The following CHST4 variants were observed in gnomAD, a reference collection of about 807,000 sequenced individuals.
CHST4 encodes GST-3.
For missense variants in CHST4, 466 were observed against 506.0 expected, an observed-to-expected ratio of 0.92 and a Z score of 0.76; for synonymous variants, 171 against 195.5, an observed-to-expected ratio of 0.87 and a Z score of 1.05.
At chr16:71,527,636 G>C (rs1424538229) in intron 1 of CHST4, among the ~76,000 whole-genome samples, 4 of 152,126 alleles carry the variant, frequency 2.6e-5, no homozygotes, top group Non-Finnish European at 5.9e-5. Flanking sequence ...TGTAATCCCA[G>C]CTACTCAGGA....
In CHST4 at chr16:71,537,061, C is replaced by T. The variant is rs546100789; in HGVS notation, c.384C>T (p.Asn128=). The change falls in exon 2 of 2, where the codon AAC becomes AAT. Residue 128 remains asparagine (N), a synonymous_variant. Transcript: ENST00000539698. This position sits in a 1 kb window ranked among gnomAD's most constrained non-coding sequence, Gnocchi z 4.2. ...RRQSSLFQWE[N]SRALCSAPAC... ...AGTCCAGCCTCTTTCAGTGGGAGAA[C>T]AGCCGGGCCCTGTGTTCTGCACCTG... 6.2e-7 allele frequency: 1 copy of T among 1,614,062 alleles called. No homozygotes were observed. Among genetic ancestry groups the T allele is most frequent in the Non-Finnish European group, 8.5e-7 (1 of 1,180,046 alleles).
chr16:71,528,982 G>A (rs868722010), intron 1 of CHST4, among the ~76,000 whole-genome samples: 1 of 152,044 alleles, frequency 6.6e-6, no homozygotes, highest in Non-Finnish European at 1.5e-5. Flanking sequence ...AGAAATGGCT[G>A]TCCTTTGTGT....
Position 71,537,592 on chromosome 16 carries a change from G to A in CHST4, c.915G>A (p.Trp305Ter). 2 of 1,614,128 alleles carry A rather than the reference G, an allele frequency of 1.2e-6. No homozygotes were observed. Among genetic ancestry groups the A allele is most frequent in the East Asian group, 2.2e-5 (1 of 44,878 alleles). ...GLEFLPHLQT[W>*]VHNITRGKGM... ...AATTCTTGCCCCATCTTCAGACCTG[G>A]GTGCATAACATCACCCGAGGCAAGG... Residue 305 changes from tryptophan (W) to a stop codon, truncating the protein, a stop_gained, in exon 2 of 2, where the codon TGG becomes TGA. Coordinates refer to ENST00000539698, the MANE Select transcript of CHST4 (RefSeq NM_001166395.2). LOFTEE classifies it low-confidence loss of function (END_TRUNC). The surrounding 1 kb of genome is among the most constrained non-coding windows in gnomAD (Gnocchi z 4.2).
At chr16:71,531,596 G>A (rs139243034) in intron 1 of CHST4, among the ~76,000 whole-genome samples, 60 of 152,254 alleles carry the variant, frequency 3.9e-4, no homozygotes, top group African/African-American at 1.1e-3. Flanking sequence ...GGGAGGAAAC[G>A]GGCTTCAGGC....
rs2043993349 is a variant in CHST4, at chr16:71,536,918, A to G, written c.241A>G (p.Thr81Ala). The G allele has an allele frequency of 6.2e-7, 1 of 1,607,036 alleles. No homozygotes were observed. Among genetic ancestry groups the G allele is most frequent in the Non-Finnish European group, 8.5e-7 (1 of 1,175,256 alleles). Residue 81 changes from threonine to alanine, a missense_variant, in exon 2 of 2, where the codon ACC becomes GCC. Transcript: ENST00000539698. ...GGAGCCCGCCTGGCACGTGTGGATG[A>G]CCTTCAAGCAGAGCACCGCCTGGAT... is the stretch of plus-strand genomic sequence containing the variant. ...LMEPAWHVWM[T>A]FKQSTAWMLH...
At chr16:71,531,391 G>A (rs534596258) in intron 1 of CHST4, among the ~76,000 whole-genome samples, 38 of 152,292 alleles carry the variant, frequency 2.5e-4, no homozygotes, top group Middle Eastern at 6.8e-3. Flanking sequence ...ATTGTGTGTC[G>A]TCTAGATCCA....
In CHST4 at chr16:71,537,311, C is replaced by T. The variant is rs766375058; in HGVS notation, c.634C>T (p.Arg212Cys). 31 of 1,614,224 alleles carry T rather than the reference C, an allele frequency of 1.9e-5. No homozygotes were observed. The Middle Eastern group carries it at 4.9e-4, about 26-fold the overall frequency. The change falls in exon 2 of 2, where the codon CGT becomes TGT. Residue 212 changes from arginine to cysteine, a missense_variant. Arg to Cys is a radical substitution (Grantham distance 180). Coordinates refer to ENST00000539698, the MANE Select transcript of CHST4 (RefSeq NM_001166395.2). The surrounding 1 kb of genome is among the most constrained non-coding windows in gnomAD (Gnocchi z 4.2). ...GGTCCGGGACCCCCGGGCCGTGTTC[C>T]GTTCCCGAGAACGCACAAAGGGAGA... ...HLVRDPRAVF[R>C]SRERTKGDLM...
intron 1 of CHST4, among the ~76,000 whole-genome samples, chr16:71,530,483 TG>T (rs2043939914): frequency 6.6e-6 from 1 of 151,842 alleles, no homozygotes. Context: ...AAAGATATTT[TG>T]GCCAGGTGCG....
At chr16:71,534,647 T>C (rs1053126534) in intron 1 of CHST4, among the ~76,000 whole-genome samples, 1 of 152,116 alleles carries the variant, frequency 6.6e-6, no homozygotes, top group Non-Finnish European at 1.5e-5. Flanking sequence ...CATGAGCCAC[T>C]GTGCTCAGCC....
chr16:71,532,435 T>C (rs1230905033), intron 1 of CHST4, among the ~76,000 whole-genome samples: 1 of 152,222 alleles, frequency 6.6e-6, no homozygotes, highest in Non-Finnish European at 1.5e-5. Context: ...CAAGTGATTT[T>C]CAGCCATGAT....
rs1224454398 is a variant in CHST4 at position 71,537,217 on chromosome 16, CT to C, written c.542del (p.Phe181SerfsTer11). 1 of 1,614,060 alleles carries C rather than the reference CT, an allele frequency of 6.2e-7. No homozygotes were observed. Among genetic ancestry groups the C allele is most frequent in the Non-Finnish European group, 8.5e-7 (1 of 1,180,026 alleles). On this transcript the variant is annotated frameshift_variant, in exon 2 of 2. Coordinates refer to ENST00000539698, the MANE Select transcript of CHST4 (RefSeq NM_001166395.2). LOFTEE classifies it low-confidence loss of function (END_TRUNC). The surrounding 1 kb of genome is among the most constrained non-coding windows in gnomAD (Gnocchi z 4.2). The stretch of plus-strand genomic sequence containing the variant: ...GCCACGTGGTGCTCAAGGAGGTGCG[CT>C]TCTTCAACCTGCAGTCCCTCTACCC... Reference protein sequence around the residue: ...YSHVVLKEVRFFNLQSLYPLL... With the variant: ...YSHVVLKEVRXFNLQSLYPLL...
Position 71,537,173 on chromosome 16 carries a change from A to T in CHST4, c.496A>T (p.Lys166Ter), listed in dbSNP as rs2043996540. ...TCAACAGCCCTTTGAGGTGGTGGAG[A>T]AGGCCTGCCGCTCCTACAGCCACGT... The part of the protein sequence containing the change: ...CSQQPFEVVE[K>*]ACRSYSHVVL... The change falls in exon 2 of 2, where the codon AAG (lysine) becomes TAG (stop). Residue 166 changes from lysine to a stop codon, truncating the protein, a stop_gained. Transcript: ENST00000539698. LOFTEE classifies it low-confidence loss of function (END_TRUNC). The surrounding 1 kb of genome is among the most constrained non-coding windows in gnomAD (Gnocchi z 4.2). 3.1e-6 allele frequency: 5 copies of T among 1,613,900 alleles called. No individual in the cohort carries two copies. Among genetic ancestry groups the T allele is most frequent in the African/African-American group, 2.7e-5 (2 of 74,852 alleles).
At chr16:71,526,380 GCAA>G (rs2043907450), upstream of CHST4, 1 of 152,308 alleles carries the variant, frequency 6.6e-6, no homozygotes, top group Non-Finnish European at 1.5e-5. Context: ...GGACGGTTAT[GCAA>G]AAGCAAGTAG....
At position 71,537,587 on chromosome 16, in the gene CHST4, A is replaced by G; in HGVS notation, c.910A>G (p.Thr304Ala). The G allele has an allele frequency of 6.2e-7, 1 of 1,614,144 alleles. No homozygotes were observed. The highest frequency in any genetic ancestry group is 1.1e-5 in the South Asian group (1 of 91,076). ...VGLEFLPHLQ[T>A]WVHNITRGKG... Reference sequence around the variant, plus strand: ...ATTGGAATTCTTGCCCCATCTTCAGACCTGGGTGCATAACATCACCCGAGG... The same window carrying G: ...ATTGGAATTCTTGCCCCATCTTCAGGCCTGGGTGCATAACATCACCCGAGG... The change falls in exon 2 of 2, where the codon ACC (threonine) becomes GCC (alanine). Residue 304 changes from threonine to alanine, a missense_variant. Coordinates refer to ENST00000539698, the MANE Select transcript of CHST4 (RefSeq NM_001166395.2). The surrounding 1 kb of genome is among the most constrained non-coding windows in gnomAD (Gnocchi z 4.2).
In CHST4 at chr16:71,538,416, C is replaced by T. The variant is rs2044010342; in HGVS notation, c.*578C>T. Reference sequence around the variant, plus strand: ...CTCTTAAGTTCACAGGGTGCCTGGGCTGCATTTGAATATCACTTCCCCTCT... The same window carrying T: ...CTCTTAAGTTCACAGGGTGCCTGGGTTGCATTTGAATATCACTTCCCCTCT... On this transcript the variant is annotated 3_prime_UTR_variant, in exon 2 of 2. Transcript: ENST00000539698. 1 of 167,496 alleles carries T rather than the reference C, an allele frequency of 6.0e-6. No individual in the cohort carries two copies. The highest frequency in any genetic ancestry group is 2.4e-5 in the African/African-American group (1 of 41,458). The allele number at this position is 167,496 out of a possible 1,614,324, so 10.4% of individuals were successfully genotyped here.
chr16:71,537,167 G>C lies in CHST4; in HGVS notation c.490G>C (p.Val164Leu). Reference protein sequence around the residue: ...LLCSQQPFEVVEKACRSYSHV... With the variant: ...LLCSQQPFEVLEKACRSYSHV... ...GTGCAGTCAACAGCCCTTTGAGGTG[G>C]TGGAGAAGGCCTGCCGCTCCTACAG... The change falls in exon 2 of 2, where the codon GTG becomes CTG. Residue 164 changes from valine to leucine, a missense_variant. Physicochemically the swap from Val to Leu is conservative, Grantham distance 32 (BLOSUM62 1). Coordinates refer to ENST00000539698, the MANE Select transcript of CHST4 (RefSeq NM_001166395.2). This position sits in a 1 kb window ranked among gnomAD's most constrained non-coding sequence, Gnocchi z 4.2. 6.2e-7 allele frequency: 1 copy of C among 1,614,124 alleles called. No homozygotes were observed. The highest frequency in any genetic ancestry group is 8.5e-7 in the Non-Finnish European group (1 of 1,180,030).
chr16:71,537,552 A>C lies in CHST4; in HGVS notation c.875A>C (p.Glu292Ala). 1 of 1,614,108 alleles carries C rather than the reference A, an allele frequency of 6.2e-7. No individual in the cohort carries two copies. Among genetic ancestry groups the C allele is most frequent in the South Asian group, 1.1e-5 (1 of 91,076 alleles). ...GTGGCCCAGACTTCCCGAATGTATG[A>C]ATTCGTGGGATTGGAATTCTTGCCC... ...APVAQTSRMY[E>A]FVGLEFLPHL... The change falls in exon 2 of 2, where the codon GAA becomes GCA. Residue 292 changes from glutamate to alanine, a missense_variant. Physicochemically the swap from Glu to Ala is moderately radical, Grantham distance 107. Transcript: ENST00000539698. The surrounding 1 kb of genome is among the most constrained non-coding windows in gnomAD (Gnocchi z 4.2).
rs547033023 is a variant in CHST4, at chr16:71,530,583, T to C, written c.-19+4088T>C. Reference sequence around the variant, plus strand: ...GAGTTTGACACCAGCCTGGGCAATATAGTGAGGGCCAGTCTCTAGTAAAAA... The same window carrying C: ...GAGTTTGACACCAGCCTGGGCAATACAGTGAGGGCCAGTCTCTAGTAAAAA... On this transcript the variant is annotated intron_variant, in intron 1 of 1. Transcript: ENST00000539698. Among the ~76,000 whole-genome samples the C allele has an allele frequency of 3.3e-5, 5 of 150,802 alleles. No individual in the cohort carries two copies. In the East Asian group the frequency reaches 9.8e-4, roughly 29 times the overall value.
intron 1 of CHST4, among the ~76,000 whole-genome samples, chr16:71,530,531 C>A (rs528893215): frequency 6.7e-4 from 101 of 151,840 alleles, no homozygotes; most frequent in African/African-American, 2.3e-3. Context: ...TTTGGGAGGC[C>A]AAGGCTGGAA....
Sources: gnomAD v4.1 joint callset for allele counts (sites outside exome capture counted in the v4.1 genomes callset) on GRCh38, gnomAD v4.1.1 for gene constraint, Gnocchi (gnomAD v3.1) non-coding constraint, MANE v1.5 for transcripts, NCBI Gene and HGNC (gene_info 2026-07-23, HGNC 2026-07-21) for gene names.